GMDS: variants seen among roughly 807,000 people sequenced by gnomAD.
GMDS encodes GDP-mannose 4,6-dehydratase.
GMDS carries 20 observed loss-of-function variants against 49.9 expected under a neutral mutation model. That is an observed-to-expected ratio of 0.40 (90% CI 0.28 to 0.58). The LOEUF (loss-of-function observed/expected upper bound fraction) is 0.58. Among genes scored for constraint, GMDS ranks in the 20% least tolerant of loss-of-function variants. GMDS has a pLI of 0.42. For synonymous variants in GMDS, 177 were observed against 178.6 expected, an observed-to-expected ratio of 0.99 and a Z score of 0.07; for missense variants, 362 against 481.4, an observed-to-expected ratio of 0.75 and a Z score of 2.32.
At chr6:2,123,639 T>G (rs1775261290) in intron 2 of GMDS, among the ~76,000 whole-genome samples, 1 of 152,202 alleles carries the variant, frequency 6.6e-6, no homozygotes, top group Admixed American at 6.5e-5. Flanking sequence ...ACTCTAAAAC[T>G]CTCTGCTCCG....
chr6:1,769,924 G>A (rs1768511108), intron 7 of GMDS, among the ~76,000 whole-genome samples: 2 of 152,044 alleles, frequency 1.3e-5, no homozygotes, highest in South Asian at 4.2e-4. Context: ...ATGGGGTTTT[G>A]CCATATTGGC....
At chr6:1,871,765 A>G (rs74682380) in intron 7 of GMDS, among the ~76,000 whole-genome samples, 1,781 of 152,368 alleles carry the variant, frequency 0.012, 25 homozygotes, top group Middle Eastern at 0.037. Context: ...AAACAGTTAC[A>G]AACGGCTCAA....
chr6:1,818,719 CAT>C (rs548708972), intron 7 of GMDS, among the ~76,000 whole-genome samples: 10 of 151,266 alleles, frequency 6.6e-5, no homozygotes, highest in African/African-American at 1.5e-4. Context: ...TATACACATG[CAT>C]ATATATATAC....
At chr6:1,817,384 T>A (rs1249241383) in intron 7 of GMDS, among the ~76,000 whole-genome samples, 1 of 152,194 alleles carries the variant, frequency 6.6e-6, no homozygotes, top group Non-Finnish European at 1.5e-5. Context: ...TCAACAATCA[T>A]GTAAGAAAGC....
At chr6:1,646,751 C>T (rs1249475566) in intron 9 of GMDS, among the ~76,000 whole-genome samples, 4 of 152,146 alleles carry the variant, frequency 2.6e-5, no homozygotes. Flanking sequence ...CACCTATATC[C>T]TGCATTCAGG....
chr6:2,189,815 G>A (rs1036388760), intron 1 of GMDS, among the ~76,000 whole-genome samples: 7 of 152,148 alleles, frequency 4.6e-5, no homozygotes, highest in African/African-American at 1.7e-4. Context: ...GGTCTAGGTC[G>A]GCAAAGTAAC....
chr6:2,194,824 G>C (rs1172780097), intron 1 of GMDS, among the ~76,000 whole-genome samples: 1 of 152,126 alleles, frequency 6.6e-6, no homozygotes, highest in Non-Finnish European at 1.5e-5. Context: ...TTACCACTTG[G>C]CTAGCCATGC....
At chr6:1,882,117 T>G (rs770366279) in intron 7 of GMDS, among the ~76,000 whole-genome samples, 2 of 152,228 alleles carry the variant, frequency 1.3e-5, no homozygotes, top group Non-Finnish European at 2.9e-5. Flanking sequence ...GGCATGGGCT[T>G]AAAAAACATG....
At chr6:1,712,979 G>A (rs1055156483) in intron 9 of GMDS, among the ~76,000 whole-genome samples, 1 of 152,192 alleles carries the variant, frequency 6.6e-6, no homozygotes, top group South Asian at 2.1e-4. Context: ...ACACAAGGCC[G>A]TTTCTGCTGC....
At chr6:1,780,076 T>C (rs1769017925) in intron 7 of GMDS, among the ~76,000 whole-genome samples, 1 of 152,228 alleles carries the variant, frequency 6.6e-6, no homozygotes, top group Non-Finnish European at 1.5e-5. Flanking sequence ...AAGTGGGGAA[T>C]GGACGCCAAA....
At chr6:2,108,822 C>T (rs1039058553) in intron 4 of GMDS, among the ~76,000 whole-genome samples, 9 of 152,148 alleles carry the variant, frequency 5.9e-5, no homozygotes, top group African/African-American at 2.2e-4. Flanking sequence ...TAGCGTGTGG[C>T]TGCTTATGAA....
intron 8 of GMDS, among the ~76,000 whole-genome samples, chr6:1,728,604 T>A (rs1007444645): frequency 1.3e-5 from 2 of 152,178 alleles, no homozygotes; most frequent in Non-Finnish European, 2.9e-5. Flanking sequence ...TTTTAAAAAA[T>A]CACACACAAA....
rs940959757 is a variant in GMDS at position 1,893,686 on chromosome 6, C to A, written c.771+36417G>T. On this transcript the variant is annotated intron_variant, in intron 7 of 10. Transcript: ENST00000380815. ...AGGCCACCTCCAGCTGGCTGGAATG[C>A]AGCTGCAATAAAAGGCAGTGTGAAT... is the stretch of plus-strand genomic sequence containing the variant. Among the ~76,000 whole-genome samples the A allele has an allele frequency of 3.3e-5, 5 of 152,166 alleles. No individual in the cohort carries two copies. In the East Asian group the frequency reaches 9.6e-4, roughly 29 times the overall value.
chr6:1,903,433 G>T (rs1367001176), intron 7 of GMDS, among the ~76,000 whole-genome samples: 1 of 152,160 alleles, frequency 6.6e-6, no homozygotes, highest in Non-Finnish European at 1.5e-5. Context: ...AGGAAGACCT[G>T]GATAAGTCCT....
chr6:2,223,358 T>C (rs1581820592), intron 1 of GMDS, among the ~76,000 whole-genome samples: 1 of 151,720 alleles, frequency 6.6e-6, no homozygotes, highest in East Asian at 1.9e-4. Context: ...ACTGGAGAGT[T>C]TACACTCCCC....
At chr6:2,241,651 C>G (rs923410663) in intron 1 of GMDS, among the ~76,000 whole-genome samples, 1 of 152,128 alleles carries the variant, frequency 6.6e-6, no homozygotes, top group Non-Finnish European at 1.5e-5. Flanking sequence ...AGCCTGGCAC[C>G]CCACACCCCA....
chr6:2,065,672 C>T (rs1159109902), intron 4 of GMDS, among the ~76,000 whole-genome samples: 1 of 151,694 alleles, frequency 6.6e-6, no homozygotes, highest in African/African-American at 2.4e-5. Flanking sequence ...AGGGTATCAG[C>T]AATGGAAGAT....
At chr6:1,750,807 A>G (rs1767692861) in intron 7 of GMDS, among the ~76,000 whole-genome samples, 1 of 152,194 alleles carries the variant, frequency 6.6e-6, no homozygotes, top group South Asian at 2.1e-4. Context: ...GTGCCCAGCA[A>G]GCTAAGATCC....
chr6:2,238,986 T>C (rs969657041), intron 1 of GMDS, among the ~76,000 whole-genome samples: 3 of 152,208 alleles, frequency 2.0e-5, no homozygotes, highest in Middle Eastern at 3.2e-3. Context: ...GTTTACAAAC[T>C]TAATTTCAAA....
Sources: gnomAD v4.1 joint callset for allele counts (sites outside exome capture counted in the v4.1 genomes callset) on GRCh38, gnomAD v4.1.1 for gene constraint, MANE v1.5 for transcripts, NCBI Gene and HGNC (gene_info 2026-07-23, HGNC 2026-07-21) for gene names.